The following ZMYM2 variants were observed in gnomAD, a reference collection of about 807,000 sequenced individuals.
ZMYM2 encodes zinc finger MYM-type protein 2.
A neutral mutation model predicts 162.8 loss-of-function variants in ZMYM2; 56 were observed. That is an observed-to-expected ratio of 0.34 (90% confidence interval 0.28 to 0.43). The LOEUF is 0.43. ZMYM2 is among the 20% of genes least tolerant of loss of function. The probability of loss-of-function intolerance (pLI) is 1.00; values close to 1 mark genes in which losing one functional copy is unlikely to be tolerated. For missense variants in ZMYM2, 1,275 were observed against 1,621.8 expected, an observed-to-expected ratio of 0.79 and a Z score of 3.67; for synonymous variants, 510 against 541.6, an observed-to-expected ratio of 0.94 and a Z score of 0.81.
chr13:19,954,731 A>G (rs966997716), upstream of ZMYM2, among the ~76,000 whole-genome samples: 1 of 152,176 alleles, frequency 6.6e-6, no homozygotes, highest in African/African-American at 2.4e-5. Context: ...ATATATCAAT[A>G]AGTAATATTA....
intron 5 of ZMYM2, 98 bp downstream of exon 5, chr13:20,005,337 A>AATGAATAT (rs2139952681): frequency 1.1e-6 from 1 of 876,946 alleles, no homozygotes; most frequent in Non-Finnish European, 1.7e-6. Flanking sequence ...GTTCCTTAAA[A>AATGAATAT]ATGAATATAT....
At chr13:19,980,011 CTG>C (rs769440197) in intron 2 of ZMYM2, among the ~76,000 whole-genome samples, 25 of 151,896 alleles carry the variant, frequency 1.6e-4, no homozygotes, top group Non-Finnish European at 2.8e-4. Flanking sequence ...GTTATTTCAT[CTG>C]TTTTTTTTAT....
intron 6 of ZMYM2, among the ~76,000 whole-genome samples, chr13:20,010,941 C>T (rs929664769): frequency 6.6e-6 from 1 of 152,068 alleles, no homozygotes; most frequent in Admixed American, 6.6e-5. Flanking sequence ...GCCTGGCCCT[C>T]TTTTATTTTT....
chr13:20,021,607 G>A (rs529076165), intron 7 of ZMYM2, among the ~76,000 whole-genome samples: 4 of 152,176 alleles, frequency 2.6e-5, no homozygotes, highest in East Asian at 1.9e-4. Context: ...TCATACTACC[G>A]CGGTGATACC....
In ZMYM2 at chr13:20,067,353, C is replaced by G. The variant is rs1486842237; in HGVS notation, c.3416C>G (p.Pro1139Arg). The G allele has an allele frequency of 6.2e-7, 1 of 1,610,954 alleles. No individual in the cohort carries two copies. The change falls in exon 21 of 25, where the codon CCT becomes CGT. Residue 1139 changes from proline (P) to arginine (R), a missense_variant. Pro to Arg is a moderately radical substitution (Grantham distance 103). Transcript: ENST00000610343. ...IRRPNGENYA[P>R]DSIYYLCLGI... is the part of the protein sequence containing the mutation. The stretch of plus-strand genomic sequence containing the variant: ...CGGCCAAATGGAGAGAATTATGCAC[C>G]TGACAGCATCTATTACCTTTGCCTT...
intron 4 of ZMYM2, among the ~76,000 whole-genome samples, chr13:20,004,446 G>A (rs958087136): frequency 3.8e-4 from 58 of 152,106 alleles, no homozygotes; most frequent in African/African-American, 1.3e-3. Flanking sequence ...TAGTAGAGAC[G>A]GGGTTTCACC....
At chr13:19,965,247 G>A (rs1367998262) in intron 2 of ZMYM2, 7 of 1,300,344 alleles carry the variant, frequency 5.4e-6, no homozygotes, top group Admixed American at 2.3e-5. Context: ...ACTCTCTGCC[G>A]TAGTCACCTG....
At chr13:19,959,663 G>T (rs1187915377) in intron 1 of ZMYM2, among the ~76,000 whole-genome samples, 1 of 152,142 alleles carries the variant, frequency 6.6e-6, no homozygotes, top group Non-Finnish European at 1.5e-5. Context: ...TGCTGGCGTC[G>T]AGGCAACGTT....
chr13:20,024,118 A>G (rs1267920833), intron 7 of ZMYM2, among the ~76,000 whole-genome samples: 1 of 152,012 alleles, frequency 6.6e-6, no homozygotes, highest in Non-Finnish European at 1.5e-5. Flanking sequence ...TATTTTTAGT[A>G]GAGACGGGGT....
intron 3 of ZMYM2, 85 bp downstream of exon 3, chr13:19,994,004 CTTG>C: frequency 7.0e-7 from 1 of 1,424,950 alleles, no homozygotes; most frequent in Non-Finnish European, 9.4e-7. Context: ...CTGGTATTAC[CTTG>C]TTTAGTTTCA....
the ZMYM2 span, among the ~76,000 whole-genome samples, chr13:19,866,576 A>C: frequency 2.0e-5 from 3 of 151,970 alleles, no homozygotes; most frequent in African/African-American, 7.3e-5. Flanking sequence ...GAGGCAGGAG[A>C]ATCACTTGTA....
chr13:19,911,343 G>A, the ZMYM2 span, among the ~76,000 whole-genome samples: 2 of 152,068 alleles, frequency 1.3e-5, no homozygotes, highest in African/African-American at 2.4e-5. Flanking sequence ...ACAGGTGTGA[G>A]CCACCATCTT....
In ZMYM2 at chr13:20,074,237, T is replaced by TGTGAGA. The variant is rs1491090474; in HGVS notation, c.3453+6848_3453+6849insTGAGAG. 1.3e-3 allele frequency among the ~76,000 whole-genome samples: 160 copies of TGTGAGA among 127,562 alleles called. 1 individual carries two copies. Among genetic ancestry groups the TGTGAGA allele is most frequent in the African/African-American group, 4.0e-3 (149 of 37,700 alleles). 83.7% of individuals were successfully genotyped at this position (127,562 alleles called of 152,430 possible). ...GTGTGTGTGTGTGTGTGTGTGTGTGTGAGAGAGACAGAGAGACAGGGTCTC... is the reference window on the plus strand; with the variant it reads ...GTGTGTGTGTGTGTGTGTGTGTGTGTGTGAGAGAGAGAGACAGAGAGACAGGGTCTC... On this transcript the variant is annotated intron_variant, in intron 21 of 24. Transcript: ENST00000610343.
At chr13:20,019,520 A>T (rs752709736) in intron 6 of ZMYM2, 27 bp from the exon 7 acceptor site, 1 of 1,547,698 alleles carries the variant, frequency 6.5e-7, no homozygotes, top group Non-Finnish European at 8.7e-7. Context: ...ATGTGTGTTT[A>T]TAAAGTCTTT....
At chr13:19,966,220 C>T (rs1175188026) in intron 2 of ZMYM2, among the ~76,000 whole-genome samples, 9 of 151,434 alleles carry the variant, frequency 5.9e-5, no homozygotes, top group South Asian at 2.1e-4. Flanking sequence ...ACGCAACCTC[C>T]GCCTCCCGGG....
chr13:19,917,647 C>T, the ZMYM2 span, among the ~76,000 whole-genome samples: 6 of 149,942 alleles, frequency 4.0e-5, no homozygotes, highest in African/African-American at 1.5e-4. Context: ...TTGCTTATTA[C>T]GTCAACTTTC....
At chr13:19,974,867 A>T (rs117409858) in intron 2 of ZMYM2, among the ~76,000 whole-genome samples, 2,440 of 152,232 alleles carry the variant, frequency 0.016, 47 homozygotes, top group Non-Finnish European at 0.021. Flanking sequence ...CTCTATAGAG[A>T]CTGTACCAAT....
At chr13:19,920,551 A>T in the ZMYM2 span, among the ~76,000 whole-genome samples, 1 of 148,010 alleles carries the variant, frequency 6.8e-6, no homozygotes, top group African/African-American at 2.5e-5. Flanking sequence ...GAGGATGGGG[A>T]GGGGAGACTG....
chr13:19,923,663 CTTTTTTT>C, the ZMYM2 span, among the ~76,000 whole-genome samples: 262 of 72,072 alleles, frequency 3.6e-3, 1 homozygote, highest in East Asian at 0.015. Context: ...CCTGTAGGGA[CTTTTTTT>C]TTTTTTTTTT....
Sources: gnomAD v4.1 joint callset for allele counts (sites outside exome capture counted in the v4.1 genomes callset) on GRCh38, gnomAD v4.1.1 for gene constraint, MANE v1.5 for transcripts, NCBI Gene and HGNC (gene_info 2026-07-23, HGNC 2026-07-21) for gene names.